MRPS27: variants seen among roughly 807,000 people sequenced by gnomAD.
The protein encoded by MRPS27 is mitochondrial ribosomal protein S27.
MRPS27 carries 43 observed loss-of-function variants against 48.9 expected under a neutral mutation model. The observed-to-expected ratio is 0.88, with a 90% confidence interval of 0.69 to 1.13. The LOEUF (loss-of-function observed/expected upper bound fraction) is 1.13, where lower values mean the gene tolerates loss of function less well. MRPS27 is among the 50% of genes most tolerant of loss of function. The probability of loss-of-function intolerance (pLI) is 0.00; values close to 1 mark genes in which losing one functional copy is unlikely to be tolerated. For missense variants in MRPS27, 467 were observed against 476.3 expected, an observed-to-expected ratio of 0.98 and a Z score of 0.18; for synonymous variants, 188 against 171.9, an observed-to-expected ratio of 1.09 and a Z score of -0.73.
intron 3 of MRPS27, among the ~76,000 whole-genome samples, chr5:72,296,994 G>T (rs867720026): frequency 1.8e-4 from 27 of 152,148 alleles, no homozygotes; most frequent in Admixed American, 5.9e-4. Context: ...CAACAGAAGA[G>T]AACCTAGATA....
At chr5:72,303,259 C>A (rs1444950708) in intron 2 of MRPS27, among the ~76,000 whole-genome samples, 1 of 152,136 alleles carries the variant, frequency 6.6e-6, no homozygotes, top group Non-Finnish European at 1.5e-5. Flanking sequence ...TCAAATTGTA[C>A]ATTTAAATAT....
Position 72,241,710 on chromosome 5 carries a change from G to A in MRPS27, c.282-3582C>T, listed in dbSNP as rs956226171. 14 of 1,534,702 alleles carry A rather than the reference G, an allele frequency of 9.1e-6. No individual in the cohort carries two copies. The African/African-American group carries it at 1.6e-4, about 18-fold the overall frequency. On this transcript the variant is annotated intron_variant, in intron 4 of 10. Coordinates refer to ENST00000261413, the MANE Select transcript of MRPS27 (RefSeq NM_015084.3). ...CTTTCTGTCAGAAGAAAGGCAAAGA[G>A]AAAAGAATACAACTAACACATTGAT...
chr5:72,243,582 G>T (rs991206823), intron 4 of MRPS27, among the ~76,000 whole-genome samples: 2 of 152,078 alleles, frequency 1.3e-5, no homozygotes, highest in Non-Finnish European at 2.9e-5. Context: ...CTTACTCAAA[G>T]AATTTAAGGT....
chr5:72,303,122 G>T (rs1264424395), intron 2 of MRPS27, among the ~76,000 whole-genome samples: 2 of 152,196 alleles, frequency 1.3e-5, no homozygotes, highest in Admixed American at 6.5e-5. Flanking sequence ...GGGGTATAGG[G>T]CCAGAAGCGG....
chr5:72,256,469 T>C (rs532458333), intron 4 of MRPS27, among the ~76,000 whole-genome samples: 3 of 152,364 alleles, frequency 2.0e-5, no homozygotes, highest in Admixed American at 2.0e-4. Flanking sequence ...CTTCAAATTA[T>C]CCATTCAACC....
intron 2 of MRPS27, among the ~76,000 whole-genome samples, chr5:72,303,598 GAAAGA>G (rs1463007993): frequency 6.6e-6 from 1 of 152,010 alleles, no homozygotes; most frequent in Non-Finnish European, 1.5e-5. Context: ...AAAGTGGCCA[GAAAGA>G]AAAGAGAAAT....
chr5:72,301,317 C>T (rs1029964350), intron 2 of MRPS27, among the ~76,000 whole-genome samples: 1 of 152,156 alleles, frequency 6.6e-6, no homozygotes, highest in Non-Finnish European at 1.5e-5. Context: ...AGTCCTTAAA[C>T]CCCCTTCACA....
At chr5:72,286,271 G>A (rs1749672126) in intron 4 of MRPS27, among the ~76,000 whole-genome samples, 1 of 152,114 alleles carries the variant, frequency 6.6e-6, no homozygotes, top group African/African-American at 2.4e-5. Flanking sequence ...GGAAAGGACC[G>A]ACACTAGCCA....
In MRPS27 at chr5:72,297,658, G is replaced by T; in HGVS notation, c.196C>A (p.Pro66Thr). The T allele has an allele frequency of 6.2e-7, 1 of 1,600,848 alleles. No individual in the cohort carries two copies. ...LMDKTFERKL[P>T]VSSLTISRLI... ...CGTGATATTGTTAAAGAACTAACAG[G>T]CAACTTTCTCTCAAATGTTTTATCC... The change falls in exon 3 of 11, where the codon CCT (proline) becomes ACT (threonine). Residue 66 changes from proline to threonine, a missense_variant. Coordinates refer to ENST00000261413, the MANE Select transcript of MRPS27 (RefSeq NM_015084.3).
At chr5:72,311,297 C>T (rs1289238415) in intron 2 of MRPS27, among the ~76,000 whole-genome samples, 2 of 151,960 alleles carry the variant, frequency 1.3e-5, no homozygotes, top group Non-Finnish European at 2.9e-5. Context: ...AAACAAACTC[C>T]CAAATGATTA....
At chr5:72,251,333 A>C (rs1212971561) in intron 4 of MRPS27, among the ~76,000 whole-genome samples, 1 of 152,168 alleles carries the variant, frequency 6.6e-6, no homozygotes, top group Non-Finnish European at 1.5e-5. Flanking sequence ...GAGGCTTTTT[A>C]CAATCACAGA....
At chr5:72,241,683 C>A (rs978864791) in intron 4 of MRPS27, 6 of 1,535,484 alleles carry the variant, frequency 3.9e-6, no homozygotes, top group Non-Finnish European at 5.2e-6. Context: ...TGAGCATTCT[C>A]CCTTTCTGTC....
rs558815117 is a variant in MRPS27, at chr5:72,281,272, T to C, written c.281+14259A>G. Among the ~76,000 whole-genome samples the C allele has an allele frequency of 5.3e-5, 8 of 152,290 alleles. No homozygotes were observed. In the South Asian group the frequency reaches 8.3e-4, roughly 16 times the overall value. On this transcript the variant is annotated intron_variant, in intron 4 of 10. Transcript: ENST00000261413. ...CTGTTCTAAGGGCATTATAACGTTA[T>C]CAATTTCTTGGAGTCTCATAAATAC...
intron 7 of MRPS27, chr5:72,228,978 T>A (rs1327069219): frequency 6.6e-6 from 1 of 152,214 alleles, no homozygotes; most frequent in Non-Finnish European, 1.5e-5. Flanking sequence ...AAATGAAGTC[T>A]TTAGAGACAT....
At chr5:72,287,026 C>T (rs1041390506) in intron 4 of MRPS27, among the ~76,000 whole-genome samples, 21 of 152,048 alleles carry the variant, frequency 1.4e-4, no homozygotes, top group African/African-American at 4.6e-4. Context: ...AGGAGGTGAG[C>T]GGTGGGTGGG....
chr5:72,292,194 G>A (rs890356924), intron 4 of MRPS27, among the ~76,000 whole-genome samples: 1 of 132,866 alleles, frequency 7.5e-6, no homozygotes, highest in African/African-American at 2.8e-5. Flanking sequence ...TTTTATATGG[G>A]TATTACCAGT....
chr5:72,285,153 T>C (rs567498380), intron 4 of MRPS27, among the ~76,000 whole-genome samples: 24 of 152,302 alleles, frequency 1.6e-4, no homozygotes, highest in Middle Eastern at 3.4e-3. Context: ...TAATCTGCCT[T>C]CCTTATTTCT....
At position 72,238,001 on chromosome 5, in the gene MRPS27, CG is replaced by C; in HGVS notation, c.396+12del. On this transcript the variant is annotated intron_variant, in intron 5 of 10. Transcript: ENST00000261413. ...CTCAGGAAAACAGGCTGCAGATCCA[CG>C]GAACAACTCACCTTATTTACAAGGG... The C allele has an allele frequency of 6.3e-7, 1 of 1,583,940 alleles. No homozygotes were observed. The highest frequency in any genetic ancestry group is 8.7e-7 in the Non-Finnish European group (1 of 1,152,964).
chr5:72,294,865 A>C (rs1749935275), intron 4 of MRPS27: 1 of 152,122 alleles, frequency 6.6e-6, no homozygotes, highest in Admixed American at 6.5e-5. Flanking sequence ...AAAATCCACA[A>C]TTTTTTGAGC....
Sources: allele counts gnomAD v4.1 joint callset (sites outside exome capture counted in the v4.1 genomes callset), GRCh38; gene constraint gnomAD v4.1.1; transcripts MANE v1.5; gene names NCBI Gene and HGNC (gene_info 2026-07-23, HGNC 2026-07-21).